Variants in COL25A1 observed in about 807,000 individuals in gnomAD.
COL25A1 encodes the protein collagen alpha-1(XXV) chain.
A neutral mutation model predicts 128.4 loss-of-function variants in COL25A1; 103 were observed. That is an observed-to-expected ratio of 0.80 (90% CI 0.68 to 0.94). The LOEUF (loss-of-function observed/expected upper bound fraction) is 0.94. COL25A1 is among the 40% of genes least tolerant of loss of function. The pLI, the probability that COL25A1 is intolerant of heterozygous loss-of-function variation, is 0.00. For missense variants in COL25A1, 745 were observed against 840.0 expected (o/e 0.89, Z 1.40); for synonymous variants, 279 against 277.2 (o/e 1.01, Z -0.06).
At chr4:109,185,059 G>C (rs1560829691) in intron 3 of COL25A1, among the ~76,000 whole-genome samples, 5 of 152,270 alleles carry the variant, frequency 3.3e-5, no homozygotes. Context: ...AAAGTGTTGT[G>C]AGCAGTCAAG....
At chr4:109,235,750 C>T (rs1419226362) in intron 3 of COL25A1, among the ~76,000 whole-genome samples, 2 of 152,086 alleles carry the variant, frequency 1.3e-5, no homozygotes, top group Non-Finnish European at 2.9e-5. Context: ...AAAACTCAAT[C>T]TATAGGCATA....
At chr4:109,209,027 C>T (rs1293414096) in intron 3 of COL25A1, among the ~76,000 whole-genome samples, 1 of 152,090 alleles carries the variant, frequency 6.6e-6, no homozygotes, top group African/African-American at 2.4e-5. Flanking sequence ...AATATTTCTT[C>T]CATTTACATG....
chr4:109,274,224 C>T (rs1433531330), intron 3 of COL25A1, among the ~76,000 whole-genome samples: 2 of 151,986 alleles, frequency 1.3e-5, no homozygotes, highest in African/African-American at 4.8e-5. Context: ...AAATGATAAT[C>T]AAAAGTTCAA....
intron 24 of COL25A1, among the ~76,000 whole-genome samples, chr4:108,853,547 G>C (rs1736089725): frequency 6.6e-6 from 1 of 151,868 alleles, no homozygotes; most frequent in African/African-American, 2.4e-5. Flanking sequence ...CTTAAGTTCT[G>C]GGATACATGT....
At chr4:109,281,970 C>A (rs948900732) in intron 3 of COL25A1, among the ~76,000 whole-genome samples, 8 of 152,128 alleles carry the variant, frequency 5.3e-5, no homozygotes, top group Admixed American at 5.2e-4. Flanking sequence ...CTTTCTAAGT[C>A]ACAGTCGAAT....
At chr4:109,226,892 T>C (rs1272384068) in intron 3 of COL25A1, among the ~76,000 whole-genome samples, 1 of 152,140 alleles carries the variant, frequency 6.6e-6, no homozygotes, top group African/African-American at 2.4e-5. Flanking sequence ...AATAGTTGCA[T>C]GAGTATAGCA....
At chr4:109,088,944 C>T (rs148923124) in intron 3 of COL25A1, among the ~76,000 whole-genome samples, 2 of 152,300 alleles carry the variant, frequency 1.3e-5, no homozygotes, top group East Asian at 3.9e-4. Flanking sequence ...TAGAAATCAA[C>T]CACGTACAGC....
chr4:108,869,120 C>T lies in COL25A1; in HGVS notation c.1051G>A (p.Glu351Lys). ...CCTGGTAAACCTGGTAAGCCTGGTT[C>T]TCCTTGAGGACCAATGAAACCTGGT... ...GEPGFIGPQGEPGLPGLPGTK... is the reference protein window; with the variant it reads ...GEPGFIGPQGKPGLPGLPGTK... Residue 351 changes from glutamate (E) to lysine (K), a missense_variant, in exon 20 of 38, where the codon GAA becomes AAA. By Grantham distance (56) the Glu-to-Lys change is moderately conservative. Around this residue, in one of 3 missense-constraint regions of COL25A1, gnomAD observed 387 missense variants for 441.9 expected, o/e 0.88. Transcript: ENST00000399132. The T allele has an allele frequency of 1.3e-6, 2 of 1,556,382 alleles. No individual in the cohort carries two copies. The highest frequency in any genetic ancestry group is 2.4e-5 in the East Asian group (1 of 41,960).
At chr4:108,995,655 A>G (rs1368670185) in intron 6 of COL25A1, among the ~76,000 whole-genome samples, 1 of 152,194 alleles carries the variant, frequency 6.6e-6, no homozygotes, top group Non-Finnish European at 1.5e-5. Flanking sequence ...CAACTCCAAG[A>G]CACCTAATTG....
At chr4:108,930,685 G>A (rs181868737) in intron 11 of COL25A1, among the ~76,000 whole-genome samples, 8 of 152,284 alleles carry the variant, frequency 5.3e-5, no homozygotes, top group Non-Finnish European at 7.4e-5. Context: ...AGCTCTCCTC[G>A]TGCCACCACA....
rs780098779 is a variant in COL25A1 at position 109,097,662 on chromosome 4, A to ATTT, written c.368-47486_368-47484dup. Among the ~76,000 whole-genome samples the ATTT allele has an allele frequency of 7.6e-3, 941 of 124,620 alleles. 28 individuals carry two copies. Among genetic ancestry groups the ATTT allele is most frequent in the African/African-American group, 0.026 (829 of 32,148 alleles). 81.8% of individuals were successfully genotyped at this position (124,620 alleles called of 152,430 possible). ...ATTATGTTATCTTAGGTAAACATCA[A>ATTT]TTTTTTTTTTTTTTTTTTTGAGACA... On this transcript the variant is annotated intron_variant, in intron 3 of 37. Coordinates refer to ENST00000399132, the MANE Select transcript of COL25A1 (RefSeq NM_198721.4).
intron 3 of COL25A1, among the ~76,000 whole-genome samples, chr4:109,075,016 A>G (rs955218595): frequency 1.3e-5 from 2 of 152,214 alleles, no homozygotes; most frequent in African/African-American, 4.8e-5. Context: ...GCAAAACAAC[A>G]AAGAAAAGGT....
At chr4:109,207,291 C>T (rs1276222705) in intron 3 of COL25A1, among the ~76,000 whole-genome samples, 1 of 152,026 alleles carries the variant, frequency 6.6e-6, no homozygotes, top group East Asian at 1.9e-4. Context: ...TCAAAGCATC[C>T]CATATCAGAT....
chr4:109,293,605 C>G (rs1328956117), intron 3 of COL25A1, among the ~76,000 whole-genome samples: 1 of 152,016 alleles, frequency 6.6e-6, no homozygotes, highest in Admixed American at 6.6e-5. Context: ...GTACATAAAC[C>G]AGGAAACTAG....
chr4:109,248,482 T>C (rs1364378011), intron 3 of COL25A1, among the ~76,000 whole-genome samples: 2 of 152,108 alleles, frequency 1.3e-5, no homozygotes, highest in Non-Finnish European at 2.9e-5. Context: ...CAGAGCGACA[T>C]TGTACTCAGC....
At chr4:108,956,362 C>T (rs1750073409) in intron 8 of COL25A1, among the ~76,000 whole-genome samples, 1 of 152,114 alleles carries the variant, frequency 6.6e-6, no homozygotes, top group African/African-American at 2.4e-5. Context: ...TAACCAGTCA[C>T]ACAGTTCAGG....
At chr4:109,295,862 T>C (rs1724925783) in intron 3 of COL25A1, among the ~76,000 whole-genome samples, 2 of 152,108 alleles carry the variant, frequency 1.3e-5, no homozygotes, top group Admixed American at 1.3e-4. Context: ...ATCATTTTCA[T>C]GGACTTGGAA....
chr4:108,976,056 A>C (rs1410837258), intron 6 of COL25A1, among the ~76,000 whole-genome samples: 2 of 152,130 alleles, frequency 1.3e-5, no homozygotes, highest in Admixed American at 1.3e-4. Context: ...TCTTAATTTT[A>C]ATAAAACTCA....
intron 3 of COL25A1, among the ~76,000 whole-genome samples, chr4:109,223,057 C>G (rs1158746664): frequency 1.3e-5 from 2 of 152,144 alleles, no homozygotes. Context: ...CTCAAATAGA[C>G]CAAGAATTAA....
Sources: gnomAD v4.1 joint callset for allele counts (sites outside exome capture counted in the v4.1 genomes callset) on GRCh38, gnomAD v4.1.1 for gene constraint, gnomAD v4.1.1 regional missense constraint, MANE v1.5 for transcripts, NCBI Gene and HGNC (gene_info 2026-07-23, HGNC 2026-07-21) for gene names.